RAB43: variants seen among roughly 807,000 people sequenced by gnomAD.
RAB43 encodes the protein ras-related protein Rab-43.
A neutral mutation model predicts 18.8 loss-of-function variants in RAB43; 6 were observed. The ratio of observed to expected loss-of-function variants is 0.32; its 90% confidence interval spans 0.17 to 0.63. RAB43 has a LOEUF of 0.63. Among genes scored for constraint, RAB43 ranks in the 30% least tolerant of loss-of-function variants. RAB43 has a pLI of 0.79. For synonymous variants in RAB43, 103 were observed against 124.1 expected (o/e 0.83, Z 1.13); for missense variants, 195 against 289.1 (o/e 0.67, Z 2.36).
intron 1 of RAB43, among the ~76,000 whole-genome samples, chr3:129,111,447 C>T (rs977013633): frequency 1.3e-5 from 2 of 149,292 alleles, no homozygotes; most frequent in East Asian, 2.0e-4. Flanking sequence ...CCTGGGAGGC[C>T]GAAGTTGCAA....
At chr3:129,104,858 C>G (rs1435072711) in intron 1 of RAB43, among the ~76,000 whole-genome samples, 1 of 152,184 alleles carries the variant, frequency 6.6e-6, no homozygotes, top group Non-Finnish European at 1.5e-5. Flanking sequence ...TTTTGGTGCA[C>G]TCCTACCTAC....
chr3:129,092,535 A>G (rs1933730042), intron 2 of RAB43: 2 of 699,428 alleles, frequency 2.9e-6, no homozygotes, highest in East Asian at 2.7e-5. Flanking sequence ...TTGAGGCAGG[A>G]GGATTGCTTG....
intron 1 of RAB43, among the ~76,000 whole-genome samples, chr3:129,113,172 T>A (rs1208848486): frequency 1.4e-5 from 2 of 144,764 alleles, no homozygotes; most frequent in Non-Finnish European, 3.0e-5. Context: ...TTATTATTAT[T>A]TTTTTTTTTT....
chr3:129,109,040 GA>G (rs959197432), intron 1 of RAB43, among the ~76,000 whole-genome samples: 1 of 142,526 alleles, frequency 7.0e-6, no homozygotes, highest in Non-Finnish European at 1.5e-5. Flanking sequence ...GAAACCATGA[GA>G]AAAAACTACA....
intron 1 of RAB43, among the ~76,000 whole-genome samples, chr3:129,102,776 C>T (rs988718007): frequency 3.4e-4 from 51 of 152,102 alleles, no homozygotes; most frequent in African/African-American, 1.2e-3. Flanking sequence ...CAGGAGAGCC[C>T]CTTCCCCAGA....
chr3:129,121,005 G>C (rs189228099), intron 1 of RAB43, among the ~76,000 whole-genome samples: 51 of 151,714 alleles, frequency 3.4e-4, no homozygotes, highest in African/African-American at 1.2e-3. Context: ...AGTTATTTTG[G>C]AGCACAGTCC....
chr3:129,121,515 CGCTCTG>C lies in RAB43; in HGVS notation c.-32_-27del, dbSNP rs1397208972. On this transcript the variant is annotated 5_prime_UTR_variant, in exon 1 of 3. Coordinates refer to ENST00000315150, the MANE Select transcript of RAB43 (RefSeq NM_198490.3). ...GGCCTAGAAGAAGCCGAAGGGCCGG[CGCTCTG>C]GACGCTGGGACCGGCCTGAGCTCAC... 4.5e-6 allele frequency: 7 copies of C among 1,563,914 alleles called. No homozygotes were observed. In the East Asian group the frequency reaches 1.6e-4, roughly 37 times the overall value.
chr3:129,100,117 G>A lies in RAB43; in HGVS notation c.205-4948C>T, dbSNP rs143728060. Among the ~76,000 whole-genome samples, 109 of 152,116 alleles carry A rather than the reference G, an allele frequency of 7.2e-4. 2 individuals carry two copies. The East Asian group carries it at 0.02, about 27-fold the overall frequency. ...CAAGAATAAAGGGGAAATATGAAAA[G>A]CAGTCTGATAAAAGACATATTCCAT... On this transcript the variant is annotated intron_variant, in intron 1 of 2. Coordinates refer to ENST00000315150, the MANE Select transcript of RAB43 (RefSeq NM_198490.3).
rs1417575900 is a variant in RAB43 at position 129,095,121 on chromosome 3, G to A, written c.253C>T (p.Gln85Ter). 3 of 1,613,700 alleles carry A rather than the reference G, an allele frequency of 1.9e-6. No homozygotes were observed. In the African/African-American group the frequency reaches 4.0e-5, roughly 22 times the overall value. ...CCATTGGCACTGCGGTAGTAGCTCTGGGTGATGGTGCGGAACCGCTCCTGG... is the reference window on the plus strand; with the variant it reads ...CCATTGGCACTGCGGTAGTAGCTCTAGGTGATGGTGCGGAACCGCTCCTGG... ...AGQERFRTIT[Q>*]SYYRSANGAI... Residue 85 changes from glutamine (Q) to a stop codon, truncating the protein, a stop_gained, in exon 2 of 3, where the codon CAG becomes TAG. Transcript: ENST00000315150. LOFTEE classifies it high-confidence loss of function. The surrounding 1 kb of genome is among the most constrained non-coding windows in gnomAD (Gnocchi z 4.2).
chr3:129,099,074 A>T lies in RAB43; in HGVS notation c.205-3905T>A, dbSNP rs901275415. Among the ~76,000 whole-genome samples the T allele has an allele frequency of 1.4e-4, 21 of 152,096 alleles. No individual in the cohort carries two copies. In the South Asian group the frequency reaches 4.0e-3, roughly 29 times the overall value. On this transcript the variant is annotated intron_variant, in intron 1 of 2. Coordinates refer to ENST00000315150, the MANE Select transcript of RAB43 (RefSeq NM_198490.3). ...GACAACAGAGCAAAACTGTCTCAAA[A>T]AATATATATATGTTAAACTTAATTT... is the stretch of plus-strand genomic sequence containing the variant.
intron 1 of RAB43, among the ~76,000 whole-genome samples, chr3:129,103,896 C>A (rs751055415): frequency 6.6e-6 from 1 of 152,188 alleles, no homozygotes; most frequent in Non-Finnish European, 1.5e-5. Flanking sequence ...CAGTCCCATC[C>A]TGTCCCAACC....
intron 1 of RAB43, among the ~76,000 whole-genome samples, chr3:129,113,701 G>A (rs189189624): frequency 4.1e-4 from 62 of 152,230 alleles, no homozygotes; most frequent in Admixed American, 2.6e-4. Context: ...AATGGCAAAC[G>A]GTCCTTATTC....
chr3:129,092,502 C>T (rs375585589), intron 2 of RAB43: 1 of 700,130 alleles, frequency 1.4e-6, no homozygotes. Flanking sequence ...TGGCTCACAC[C>T]TGTAATTCCA....
rs1417004840 is a variant in RAB43 at position 129,091,222 on chromosome 3, C to T, written c.513G>A (p.Glu171=). 3 of 1,594,138 alleles carry T rather than the reference C, an allele frequency of 1.9e-6. No individual in the cohort carries two copies. The highest frequency in any genetic ancestry group is 1.3e-5 in the African/African-American group (1 of 74,500). ...GCTCCGTGGCCACCCTCAGGAAGGC[C>T]TCCTCCACGTTGCTCGAGTCCTTGG... The part of the protein sequence containing the change: ...TSAKDSSNVE[E]AFLRVATELI... The change falls in exon 3 of 3, where the codon GAG becomes GAA. Residue 171 remains glutamate, a synonymous_variant. Transcript: ENST00000315150.
Position 129,091,400 on chromosome 3 carries a change from C to G in RAB43, c.389-54G>C, listed in dbSNP as rs371926382. 132 of 1,561,268 alleles carry G rather than the reference C, an allele frequency of 8.5e-5. No individual in the cohort carries two copies. The African/African-American group carries it at 1.4e-3, about 16-fold the overall frequency. On this transcript the variant is annotated intron_variant, in intron 2 of 2. Coordinates refer to ENST00000315150, the MANE Select transcript of RAB43 (RefSeq NM_198490.3). ...GCCATGGGGGCTGGGCAAGCCCAGT[C>G]CCACCTGGGAGGGTCACGCTGACAG...
intron 1 of RAB43, among the ~76,000 whole-genome samples, chr3:129,111,487 C>T (rs1935168708): frequency 6.8e-6 from 1 of 147,026 alleles, no homozygotes; most frequent in African/African-American, 2.5e-5. Context: ...TGCACTCCGC[C>T]TGGGTGATAG....
rs775418173 is a variant in RAB43 at position 129,121,530 on chromosome 3, G to C, written c.-41C>G. 3.3e-6 allele frequency: 5 copies of C among 1,528,634 alleles called. No homozygotes were observed. The South Asian group carries it at 3.6e-5, about 11-fold the overall frequency. The allele number at this position is 1,528,634 out of a possible 1,614,324, so 94.7% of individuals were successfully genotyped here. A position where few individuals can be genotyped will look rare whatever the true frequency, so the allele number is the denominator to read the frequency against. Reference sequence around the variant, plus strand: ...GAAGGGCCGGCGCTCTGGACGCTGGGACCGGCCTGAGCTCACGCAAGCCGC... The same window carrying C: ...GAAGGGCCGGCGCTCTGGACGCTGGCACCGGCCTGAGCTCACGCAAGCCGC... On this transcript the variant is annotated 5_prime_UTR_variant, in exon 1 of 3. Transcript: ENST00000315150.
chr3:129,105,780 CAAA>C (rs111242035), intron 1 of RAB43, among the ~76,000 whole-genome samples: 1 of 89,688 alleles, frequency 1.1e-5, no homozygotes, highest in Admixed American at 1.2e-4. Flanking sequence ...AACTCCATCT[CAAA>C]AAAAAAAAAA....
At chr3:129,121,199 G>T in intron 1 of RAB43, 87 bp downstream of exon 1, 2 of 1,204,754 alleles carry the variant, frequency 1.7e-6, no homozygotes, top group Non-Finnish European at 1.2e-6. Context: ...GATGGACGCG[G>T]GGTGCGCTCG....
Sources: gnomAD v4.1 joint callset for allele counts (sites outside exome capture counted in the v4.1 genomes callset) on GRCh38, gnomAD v4.1.1 for gene constraint, Gnocchi (gnomAD v3.1) non-coding constraint, MANE v1.5 for transcripts, NCBI Gene and HGNC (gene_info 2026-07-23, HGNC 2026-07-21) for gene names.